The following CNTNAP2 variants were observed in gnomAD, a reference collection of about 807,000 sequenced individuals.
The protein encoded by CNTNAP2 is contactin-associated protein-like 2.
In CNTNAP2, 98 loss-of-function variants were observed where a neutral mutation model predicts 155.2. The ratio of observed to expected loss-of-function variants is 0.63; its 90% CI spans 0.54 to 0.75. The LOEUF is 0.75. Ranked by LOEUF, CNTNAP2 falls within the 30% of genes least tolerant of loss-of-function variation. The probability of loss-of-function intolerance (pLI) is 0.00; values close to 1 mark genes in which losing one functional copy is unlikely to be tolerated. For missense variants in CNTNAP2, 1,727 were observed against 1,688.1 expected, an observed-to-expected ratio of 1.02 and a Z score of -0.40; for synonymous variants, 651 against 631.2, an observed-to-expected ratio of 1.03 and a Z score of -0.47.
chr7:147,414,804 G>A (rs1257230439), intron 10 of CNTNAP2, among the ~76,000 whole-genome samples: 2 of 151,714 alleles, frequency 1.3e-5, no homozygotes, highest in African/African-American at 4.8e-5. Flanking sequence ...AGCTGGGCGA[G>A]GTGGTGGGCG....
At position 147,009,288 on chromosome 7, in the gene CNTNAP2, C is replaced by T. The variant is rs189072447; in HGVS notation, c.403-34619C>T. On this transcript the variant is annotated intron_variant, in intron 3 of 23. Transcript: ENST00000361727. ...ATGTTCTGATAATCATCCGATTTTT[C>T]CCCATTCTGCTTATAAAACATCAGA... 3.3e-3 allele frequency among the ~76,000 whole-genome samples: 499 copies of T among 152,178 alleles called. 1 individual carries two copies. The highest frequency in any genetic ancestry group is 0.011 in the African/African-American group (472 of 41,552).
chr7:146,476,888 G>A (rs188023569), intron 1 of CNTNAP2, among the ~76,000 whole-genome samples: 3 of 152,226 alleles, frequency 2.0e-5, no homozygotes, highest in East Asian at 3.9e-4. Flanking sequence ...CTATGGCTAC[G>A]CATACACTGC....
intron 15 of CNTNAP2, among the ~76,000 whole-genome samples, chr7:148,037,376 C>G (rs974915506): frequency 6.6e-6 from 1 of 152,202 alleles, no homozygotes. Flanking sequence ...GTATGTGTAT[C>G]AGACTGTCTC....
chr7:148,349,700 C>A (rs1320850603), intron 21 of CNTNAP2, among the ~76,000 whole-genome samples: 1 of 152,128 alleles, frequency 6.6e-6, no homozygotes, highest in East Asian at 1.9e-4. Context: ...CGCGCCAGGC[C>A]AAAATCTCAT....
chr7:146,912,827 CTT>C (rs1796312885), intron 3 of CNTNAP2, among the ~76,000 whole-genome samples: 1 of 152,094 alleles, frequency 6.6e-6, no homozygotes, highest in Non-Finnish European at 1.5e-5. Flanking sequence ...GTGCTAATGA[CTT>C]TTCTTTTAGA....
intron 4 of CNTNAP2, among the ~76,000 whole-genome samples, chr7:147,061,029 A>G (rs1799659323): frequency 6.6e-6 from 1 of 152,192 alleles, no homozygotes; most frequent in Admixed American, 6.5e-5. Context: ...AATCGCTGAA[A>G]GACAAATGCT....
intron 21 of CNTNAP2, among the ~76,000 whole-genome samples, chr7:148,267,532 G>A (rs1563018481): frequency 6.6e-6 from 1 of 151,896 alleles, no homozygotes; most frequent in Non-Finnish European, 1.5e-5. Context: ...GCAGGTGCCT[G>A]TAATCCCAGC....
chr7:146,574,097 A>G (rs1411880099), intron 1 of CNTNAP2, among the ~76,000 whole-genome samples: 2 of 152,180 alleles, frequency 1.3e-5, no homozygotes, highest in Non-Finnish European at 2.9e-5. Context: ...GCTTGACAGG[A>G]TTCGAGTCTG....
intron 8 of CNTNAP2, among the ~76,000 whole-genome samples, chr7:147,251,142 C>T (rs1804188302): frequency 1.3e-5 from 2 of 152,258 alleles, no homozygotes; most frequent in South Asian, 4.1e-4. Flanking sequence ...TATTAGTCCT[C>T]GCTAGAGGAC....
intron 1 of CNTNAP2, among the ~76,000 whole-genome samples, chr7:146,234,257 A>G (rs1342975811): frequency 6.6e-6 from 1 of 152,184 alleles, no homozygotes; most frequent in African/African-American, 2.4e-5. Flanking sequence ...GGCTGCATAA[A>G]TATCTTCTTT....
intron 1 of CNTNAP2, among the ~76,000 whole-genome samples, chr7:146,747,180 A>G (rs1255695897): frequency 6.6e-6 from 1 of 152,156 alleles, no homozygotes; most frequent in African/African-American, 2.4e-5. Flanking sequence ...TTTTGTACTT[A>G]TAATAGATTT....
intron 2 of CNTNAP2, among the ~76,000 whole-genome samples, chr7:146,805,725 C>T (rs1802955841): frequency 6.6e-6 from 1 of 152,042 alleles, no homozygotes; most frequent in Non-Finnish European, 1.5e-5. Flanking sequence ...GAAGAGTTGT[C>T]CAAAGCAAGT....
chr7:147,377,260 T>G (rs1263829061), intron 9 of CNTNAP2, among the ~76,000 whole-genome samples: 1 of 151,734 alleles, frequency 6.6e-6, no homozygotes, highest in Non-Finnish European at 1.5e-5. Context: ...AAAATACTTA[T>G]TAAATTCCAA....
Position 147,108,225 on chromosome 7 carries a change from A to G in CNTNAP2, c.629A>G (p.Asp210Gly), listed in dbSNP as rs1800805065. 7.4e-6 allele frequency: 12 copies of G among 1,613,764 alleles called. No individual in the cohort carries two copies. The highest frequency in any genetic ancestry group is 1.0e-5 in the Non-Finnish European group (12 of 1,179,810). ...FRNKKMKTLK[D>G]VIALNFKTSE... ...AACAAGAAGATGAAAACACTGAAAG[A>G]TGTCATTGCCTTGAACTTTAAGACG... Residue 210 changes from aspartate to glycine, a missense_variant, in exon 5 of 24, where the codon GAT becomes GGT. By Grantham distance (94) the Asp-to-Gly change is moderately conservative. Transcript: ENST00000361727.
intron 1 of CNTNAP2, among the ~76,000 whole-genome samples, chr7:146,664,957 T>A (rs910505626): frequency 6.6e-6 from 1 of 152,164 alleles, no homozygotes; most frequent in African/African-American, 2.4e-5. Context: ...TTTTGTTTTG[T>A]TTTGTTTTGT....
chr7:147,016,723 T>G (rs934203351), intron 3 of CNTNAP2, among the ~76,000 whole-genome samples: 1 of 152,228 alleles, frequency 6.6e-6, no homozygotes, highest in East Asian at 1.9e-4. Flanking sequence ...TATAAGAAAC[T>G]TAGGTGAATA....
intron 22 of CNTNAP2, among the ~76,000 whole-genome samples, chr7:148,400,373 G>A (rs553620711): frequency 9.2e-5 from 14 of 152,160 alleles, no homozygotes; most frequent in African/African-American, 3.1e-4. Flanking sequence ...CCTAGATTTG[G>A]GGCTTCTTCC....
At chr7:146,773,242 G>C (rs1280367573) in intron 1 of CNTNAP2, among the ~76,000 whole-genome samples, 1 of 152,180 alleles carries the variant, frequency 6.6e-6, no homozygotes, top group Non-Finnish European at 1.5e-5. Context: ...CATTATAAAA[G>C]CCAAGTGCAG....
chr7:147,265,568 G>A (rs913653526), intron 8 of CNTNAP2, among the ~76,000 whole-genome samples: 11 of 152,180 alleles, frequency 7.2e-5, no homozygotes, highest in African/African-American at 2.7e-4. Context: ...AGTAGATTTA[G>A]TCTCTTCTCC....
Sources: allele counts gnomAD v4.1 joint callset (sites outside exome capture counted in the v4.1 genomes callset), GRCh38; gene constraint gnomAD v4.1.1; transcripts MANE v1.5; gene names NCBI Gene and HGNC (gene_info 2026-07-23, HGNC 2026-07-21).